The following NUMA1 variants were observed in gnomAD, a reference collection of about 807,000 sequenced individuals.
NUMA1 encodes the protein SP-H antigen.
In NUMA1, 62 loss-of-function variants were observed where a neutral mutation model predicts 237.1. That is an observed-to-expected ratio of 0.26 (90% CI 0.21 to 0.32). The LOEUF is 0.32. Ranked by LOEUF, NUMA1 falls within the 10% of genes least tolerant of loss-of-function variation. NUMA1 has a pLI of 1.00. For synonymous variants in NUMA1, 1,028 were observed against 1,066.1 expected, an observed-to-expected ratio of 0.96 and a Z score of 0.70; for missense variants, 2,533 against 2,666.5, an observed-to-expected ratio of 0.95 and a Z score of 1.10.
intron 9 of NUMA1, 45 bp from the exon 10 acceptor site, chr11:72,019,025 C>A (rs78877838): frequency 6.2e-7 from 1 of 1,602,974 alleles, no homozygotes; most frequent in Non-Finnish European, 8.5e-7. Flanking sequence ...CGCCTAAGAT[C>A]TGAAGCAATC....
At chr11:72,060,088 A>G (rs1179319155) in intron 2 of NUMA1, among the ~76,000 whole-genome samples, 7 of 152,154 alleles carry the variant, frequency 4.6e-5, no homozygotes, top group Non-Finnish European at 1.0e-4. Flanking sequence ...CCAGACATCA[A>G]AGCTGTTTTT....
chr11:72,033,364 GTTTTTTTT>G (rs58353057), intron 3 of NUMA1, among the ~76,000 whole-genome samples: 4 of 144,712 alleles, frequency 2.8e-5, no homozygotes, highest in African/African-American at 7.9e-5. Context: ...CATGTTCTTT[GTTTTTTTT>G]TTTTTTTTTT....
intron 3 of NUMA1, among the ~76,000 whole-genome samples, chr11:72,034,416 A>C (rs1940746121): frequency 6.6e-6 from 1 of 152,108 alleles, no homozygotes; most frequent in African/African-American, 2.4e-5. Context: ...CCCATTAAAA[A>C]AAATGATACT....
intron 2 of NUMA1, among the ~76,000 whole-genome samples, chr11:72,044,056 A>C (rs1224992101): frequency 2.0e-5 from 3 of 152,182 alleles, no homozygotes; most frequent in Non-Finnish European, 4.4e-5. Context: ...CGAACTCATT[A>C]ATCTTAAAAA....
chr11:72,004,932 C>A, intron 23 of NUMA1, 116 bp from the exon 24 acceptor site: 1 of 1,077,528 alleles, frequency 9.3e-7, no homozygotes, highest in Non-Finnish European at 1.3e-6. Flanking sequence ...CCCTTCCTGC[C>A]TCACGAGGTA....
chr11:72,056,644 A>T (rs1379022632), intron 2 of NUMA1, among the ~76,000 whole-genome samples: 2 of 54,082 alleles, frequency 3.7e-5, no homozygotes, highest in African/African-American at 9.9e-5. Flanking sequence ...TTAAAAAAAA[A>T]AAAAAAAAAA....
At position 72,018,295 on chromosome 11, in the gene NUMA1, G is replaced by T; in HGVS notation, c.866C>A (p.Thr289Asn). Residue 289 changes from threonine (T) to asparagine (N), a missense_variant, in exon 12 of 27, where the codon ACC (threonine) becomes AAC (asparagine). Coordinates refer to ENST00000393695, the MANE Select transcript of NUMA1 (RefSeq NM_006185.4). ...CTTCAGGGTTTCATGCAGCCGCATG[G>T]TAAGGCTGCGAGGGAGGGAAGCAGT... ...EELRDKNESL[T>N]MRLHETLKQC... The T allele has an allele frequency of 1.2e-6, 2 of 1,613,136 alleles. No homozygotes were observed. The highest frequency in any genetic ancestry group is 1.7e-6 in the Non-Finnish European group (2 of 1,179,034).
At chr11:72,027,999 A>T (rs1939797677) in intron 4 of NUMA1, among the ~76,000 whole-genome samples, 1 of 152,250 alleles carries the variant, frequency 6.6e-6, no homozygotes, top group African/African-American at 2.4e-5. Flanking sequence ...GACTTCTTTC[A>T]GAGGTACTAA....
chr11:72,002,959 C>T lies in NUMA1; in HGVS notation c.*568G>A, dbSNP rs1955360943. ...ACCTTCCCATCACTCCAAATCCCAC[C>T]CCAGTGCAAGTCTGGGGAAGGTAGG... On this transcript the variant is annotated 3_prime_UTR_variant, in exon 27 of 27. Coordinates refer to ENST00000393695, the MANE Select transcript of NUMA1 (RefSeq NM_006185.4). 1 of 233,712 alleles carries T rather than the reference C, an allele frequency of 4.3e-6. No homozygotes were observed. The highest frequency in any genetic ancestry group is 2.2e-5 in the African/African-American group (1 of 45,320). The allele number at this position is 233,712 out of a possible 1,614,324, so 14.5% of individuals were successfully genotyped here.
intron 2 of NUMA1, among the ~76,000 whole-genome samples, chr11:72,055,252 T>C: frequency 6.6e-6 from 1 of 152,128 alleles, no homozygotes; most frequent in East Asian, 1.9e-4. Flanking sequence ...GTATTTCCTG[T>C]TTACCAATAA....
At chr11:72,054,904 G>A (rs539569327) in intron 2 of NUMA1, among the ~76,000 whole-genome samples, 19 of 152,198 alleles carry the variant, frequency 1.2e-4, no homozygotes, top group Admixed American at 1.1e-3. Context: ...GGTGATGTAC[G>A]CATTTGCGAT....
At chr11:72,028,380 T>C (rs1169965154) in intron 4 of NUMA1, among the ~76,000 whole-genome samples, 2 of 145,522 alleles carry the variant, frequency 1.4e-5, no homozygotes, top group Non-Finnish European at 3.0e-5. Context: ...CTGCCACGTA[T>C]GGCACATAAA....
chr11:72,030,237 A>C (rs1267573053), intron 3 of NUMA1, among the ~76,000 whole-genome samples: 1 of 151,704 alleles, frequency 6.6e-6, no homozygotes, highest in Non-Finnish European at 1.5e-5. Flanking sequence ...TAGAAGGCTG[A>C]GGTGGGAGGA....
At chr11:72,076,379 AAAAAT>A (rs1219804143) in intron 1 of NUMA1, among the ~76,000 whole-genome samples, 1 of 152,160 alleles carries the variant, frequency 6.6e-6, no homozygotes, top group Non-Finnish European at 1.5e-5. Flanking sequence ...TCCTATCTCA[AAAAAT>A]AAAATAAAAT....
At position 72,010,779 on chromosome 11, in the gene NUMA1, G is replaced by A; in HGVS notation, c.4719+7C>T. The A allele has an allele frequency of 6.2e-7, 1 of 1,612,384 alleles. No homozygotes were observed. Among genetic ancestry groups the A allele is most frequent in the Non-Finnish European group, 8.5e-7 (1 of 1,179,644 alleles). On this transcript the variant is annotated splice_region_variant and intron_variant, in intron 17 of 26. Transcript: ENST00000393695. ...AGAGGCCAGACCCATTCCCCCAGCTGCCCCACCTTCAGCTTCTGCTGCTGC... is the reference window on the plus strand; with the variant it reads ...AGAGGCCAGACCCATTCCCCCAGCTACCCCACCTTCAGCTTCTGCTGCTGC...
chr11:72,007,201 G>C lies in NUMA1; in HGVS notation c.5451C>G (p.Ile1817Met). Residue 1817 changes from isoleucine to methionine, a missense_variant, in exon 21 of 27, where the codon ATC becomes ATG. Ile to Met is a conservative substitution (Grantham distance 10, BLOSUM62 1). This residue lies in a region of NUMA1 where 795 missense variants were observed against 750.8 expected (regional missense o/e 1.06). Transcript: ENST00000393695. ...ARRRTTQIINITMTKKLDVEE... is the reference protein window; with the variant it reads ...ARRRTTQIINMTMTKKLDVEE... ...CCAGCAGCCTGACCTTGGTCATGGT[G>C]ATGTTGATGATCTGCGTGGTGCGCC... is the stretch of plus-strand genomic sequence containing the variant. 6.2e-7 allele frequency: 1 copy of C among 1,609,542 alleles called. No homozygotes were observed. The highest frequency in any genetic ancestry group is 8.5e-7 in the Non-Finnish European group (1 of 1,179,940).
In NUMA1 at chr11:72,013,605, C is replaced by T. The variant is rs1055892821; in HGVS notation, c.3898G>A (p.Glu1300Lys). ...GAAGCCACCCGCTGTTTCTCAGCCT[C>T]CTCCCGGAGGCTCTGCACCTCCTCC... ...LREEVQSLRE[E>K]AEKQRVASEN... Residue 1300 changes from glutamate (E) to lysine (K), a missense_variant, in exon 15 of 27, where the codon GAG becomes AAG. Glu to Lys is a moderately conservative substitution (Grantham distance 56). Around this residue, in one of 3 missense-constraint regions of NUMA1, gnomAD observed 324 missense variants for 407.6 expected, o/e 0.79. Transcript: ENST00000393695. This position sits in a 1 kb window ranked among gnomAD's most constrained non-coding sequence, Gnocchi z 6.8. The T allele has an allele frequency of 5.6e-6, 9 of 1,611,714 alleles. 1 individual carries two copies. The highest frequency in any genetic ancestry group is 6.8e-6 in the Non-Finnish European group (8 of 1,179,970).
rs1359573795 is a variant in NUMA1 at position 72,003,409 on chromosome 11, G to GAA, written c.*117_*118insTT. ...TGCGGGCAGGCATCACTGTCTCTAG[G>GAA]GGTTTGGCTACTGTTGGCCTGGGAG... is the stretch of plus-strand genomic sequence containing the variant. On this transcript the variant is annotated 3_prime_UTR_variant, in exon 27 of 27. Coordinates refer to ENST00000393695, the MANE Select transcript of NUMA1 (RefSeq NM_006185.4). 6 of 989,142 alleles carry GAA rather than the reference G, an allele frequency of 6.1e-6. No homozygotes were observed. Among genetic ancestry groups the GAA allele is most frequent in the Non-Finnish European group, 9.8e-6 (6 of 613,898 alleles). The allele number at this position is 989,142 out of a possible 1,614,324, so 61.3% of individuals were successfully genotyped here.
At chr11:72,073,191 T>G (rs1943545100) in intron 1 of NUMA1, among the ~76,000 whole-genome samples, 1 of 150,782 alleles carries the variant, frequency 6.6e-6, no homozygotes, top group South Asian at 2.1e-4. Context: ...AGACCTTGTC[T>G]CTACTAAAAA....
Sources: gnomAD v4.1 joint callset for allele counts (sites outside exome capture counted in the v4.1 genomes callset) on GRCh38, gnomAD v4.1.1 for gene constraint, gnomAD v4.1.1 regional missense constraint, Gnocchi (gnomAD v3.1) non-coding constraint, MANE v1.5 for transcripts, NCBI Gene and HGNC (gene_info 2026-07-23, HGNC 2026-07-21) for gene names.